INCENP: variants seen among roughly 807,000 people sequenced by gnomAD.
INCENP encodes the protein inner centromere protein.
In INCENP, 43 loss-of-function variants were observed where a neutral mutation model predicts 107.3. That is an observed-to-expected ratio of 0.40 (90% CI 0.31 to 0.52). INCENP has a LOEUF of 0.52. INCENP is among the 20% of genes least tolerant of loss of function. The pLI is 0.53. For missense variants in INCENP, 1,089 were observed against 1,250.9 expected, an observed-to-expected ratio of 0.87 and a Z score of 1.95; for synonymous variants, 488 against 494.4, an observed-to-expected ratio of 0.99 and a Z score of 0.17.
intron 4 of INCENP, among the ~76,000 whole-genome samples, chr11:62,134,049 CCTT>C: frequency 6.6e-6 from 1 of 152,344 alleles, no homozygotes; most frequent in East Asian, 1.9e-4. Context: ...CCTTGGCCCT[CCTT>C]CTCCCTAGAC....
At position 62,145,378 on chromosome 11, in the gene INCENP, C is replaced by T. The variant is rs888986071; in HGVS notation, c.1836+89C>T. ...CCCTCAGGAAATTGCAGATTTGTCA[C>T]TGTACCCCTGTACCCATCTCCTGTC... On this transcript the variant is annotated intron_variant, in intron 13 of 18. Coordinates refer to ENST00000394818, the MANE Select transcript of INCENP (RefSeq NM_001040694.2). The T allele has an allele frequency of 1.2e-4, 189 of 1,536,954 alleles. 1 individual carries two copies. Among genetic ancestry groups the T allele is most frequent in the Non-Finnish European group, 1.6e-4 (176 of 1,130,352 alleles).
At chr11:62,135,921 T>C (rs1033504376) in intron 4 of INCENP, among the ~76,000 whole-genome samples, 2 of 152,144 alleles carry the variant, frequency 1.3e-5, no homozygotes, top group Non-Finnish European at 2.9e-5. Context: ...GCCATTCTCC[T>C]GCCTCAGCCT....
chr11:62,131,738 C>T (rs1404767417), intron 4 of INCENP, among the ~76,000 whole-genome samples: 2 of 151,052 alleles, frequency 1.3e-5, no homozygotes, highest in Non-Finnish European at 2.9e-5. Context: ...AGGCAGAGGA[C>T]GGGCAAAGCA....
At position 62,128,895 on chromosome 11, in the gene INCENP, TG is replaced by T. The variant is rs769861208; in HGVS notation, c.254+17del. 1.4e-5 allele frequency: 22 copies of T among 1,546,876 alleles called. No individual in the cohort carries two copies. The Admixed American group carries it at 3.7e-4, about 26-fold the overall frequency. On this transcript the variant is annotated intron_variant, in intron 3 of 18. Coordinates refer to ENST00000394818, the MANE Select transcript of INCENP (RefSeq NM_001040694.2). ...CCCATCAGGAGAAGGTAGGAGGGGTTGGGGGAGAGTGAGCTGAGCAGTGGGC... is the reference window on the plus strand; with the variant it reads ...CCCATCAGGAGAAGGTAGGAGGGGTTGGGGAGAGTGAGCTGAGCAGTGGGC...
At chr11:62,124,432 C>T (rs898650990) in intron 1 of INCENP, among the ~76,000 whole-genome samples, 1 of 132,448 alleles carries the variant, frequency 7.6e-6, no homozygotes, top group Non-Finnish European at 1.7e-5. Context: ...CACCTTGTGC[C>T]TGTGAGGATT....
Position 62,138,771 on chromosome 11 carries a change from G to A in INCENP, c.1173+1G>A, listed in dbSNP as rs762440386. 15 of 1,613,916 alleles carry A rather than the reference G, an allele frequency of 9.3e-6. No individual in the cohort carries two copies. The highest frequency in any genetic ancestry group is 1.3e-5 in the Non-Finnish European group (15 of 1,179,966). On this transcript the variant is annotated splice_donor_variant, in intron 6 of 18. Transcript: ENST00000394818. LOFTEE classifies it high-confidence loss of function. The stretch of plus-strand genomic sequence containing the variant: ...GCCTGTGGCGGCAGCTGAGCCAGAG[G>A]TAAGACGGCTGCCTGGGGAAGGGAG...
intron 5 of INCENP, 120 bp downstream of exon 5, chr11:62,138,003 C>A: frequency 1.1e-6 from 1 of 880,648 alleles, no homozygotes; most frequent in South Asian, 1.4e-5. Context: ...CTTGACCGCC[C>A]AGGAGCTGCC....
intron 7 of INCENP, among the ~76,000 whole-genome samples, chr11:62,139,293 C>T (rs1944061388): frequency 6.6e-6 from 1 of 152,076 alleles, no homozygotes; most frequent in Admixed American, 6.6e-5. Flanking sequence ...CAGGTCAAGG[C>T]CTTGACCTTG....
At position 62,131,271 on chromosome 11, in the gene INCENP, C is replaced by G. The variant is rs192619670; in HGVS notation, c.1063+681C>G. 4.5e-4 allele frequency among the ~76,000 whole-genome samples: 68 copies of G among 152,340 alleles called. 1 individual carries two copies. Among genetic ancestry groups the G allele is most frequent in the Non-Finnish European group, 8.7e-4 (59 of 68,036 alleles). On this transcript the variant is annotated intron_variant, in intron 4 of 18. Transcript: ENST00000394818. ...CTGGAAACTTCACGGGCCTCCACTC[C>G]TTGCCTGTCAACTGGGGCTAATCGC... is the stretch of plus-strand genomic sequence containing the variant.
At chr11:62,139,439 G>A (rs1944063784) in intron 7 of INCENP, among the ~76,000 whole-genome samples, 1 of 152,196 alleles carries the variant, frequency 6.6e-6, no homozygotes, top group Non-Finnish European at 1.5e-5. Context: ...AGAGCAGTGG[G>A]TTTGGGAGTG....
chr11:62,151,774 G>T lies in INCENP; in HGVS notation c.2555G>T (p.Ser852Ile). Reference protein sequence around the residue: ...IPTWARGTPLSQAIIHQYYHP... With the variant: ...IPTWARGTPLIQAIIHQYYHP... ...TGGTCTCCTGCAGGCACCCCGCTCA[G>T]CCAGGCTATCATTCACCAGTACTAC... is the stretch of plus-strand genomic sequence containing the variant. The change falls in exon 19 of 19, where the codon AGC becomes ATC. Residue 852 changes from serine (S) to isoleucine (I), a missense_variant. By Grantham distance (142) the Ser-to-Ile change is moderately radical. Transcript: ENST00000394818. 1 of 1,614,050 alleles carries T rather than the reference G, an allele frequency of 6.2e-7. No homozygotes were observed. Among genetic ancestry groups the T allele is most frequent in the South Asian group, 1.1e-5 (1 of 91,084 alleles).
chr11:62,140,617 CG>C (rs1304547165), intron 8 of INCENP, 86 bp from the exon 9 acceptor site: 1 of 1,151,900 alleles, frequency 8.7e-7, no homozygotes. Context: ...GGCCTGGGCC[CG>C]GTATTGTTCA....
chr11:62,146,026 C>T (rs1944235801), intron 14 of INCENP, among the ~76,000 whole-genome samples: 1 of 152,224 alleles, frequency 6.6e-6, no homozygotes, highest in South Asian at 2.1e-4. Context: ...TGACTTTCTA[C>T]AGGCTGCTTG....
chr11:62,142,946 C>T (rs934576981), intron 11 of INCENP, among the ~76,000 whole-genome samples: 1 of 152,246 alleles, frequency 6.6e-6, no homozygotes, highest in Non-Finnish European at 1.5e-5. Context: ...TGTCCTCCAG[C>T]CAGGAAGCTG....
chr11:62,142,813 GT>G (rs1302165640), intron 11 of INCENP, among the ~76,000 whole-genome samples: 1 of 152,220 alleles, frequency 6.6e-6, no homozygotes, highest in Non-Finnish European at 1.5e-5. Context: ...TGTTAGTTTA[GT>G]TCTCAGCCTT....
chr11:62,144,984 G>A lies in INCENP; in HGVS notation c.1608G>A (p.Glu536=). The A allele has an allele frequency of 2.5e-6, 4 of 1,594,936 alleles. No homozygotes were observed. The highest frequency in any genetic ancestry group is 3.4e-6 in the Non-Finnish European group (4 of 1,172,648). Residue 536 remains glutamate (E), a splice_region_variant and synonymous_variant, in exon 12 of 19, where the codon GAG becomes GAA. Coordinates refer to ENST00000394818, the MANE Select transcript of INCENP (RefSeq NM_001040694.2). ...TCCCTCGCTCCCCGCCACCCCAGGA[G>A]AAGGAGCGGCAGCGCCTGGAGAATC... ...LRMDPKCSFV[E]KERQRLENLR... is the part of the protein sequence containing the mutation.
At position 62,144,926 on chromosome 11, in the gene INCENP, TG is replaced by T. The variant is rs901059264; in HGVS notation, c.1606-53del. 48 of 1,494,450 alleles carry T rather than the reference TG, an allele frequency of 3.2e-5. No individual in the cohort carries two copies. The African/African-American group carries it at 6.3e-4, about 20-fold the overall frequency. 92.6% of individuals were successfully genotyped at this position (1,494,450 alleles called of 1,614,324 possible). On this transcript the variant is annotated intron_variant, in intron 11 of 18. Coordinates refer to ENST00000394818, the MANE Select transcript of INCENP (RefSeq NM_001040694.2). ...GGGGACTGTGGGCAGCTTTTGGGGC[TG>T]GGTGGGGGGTCGTCCTTGCTCATGT...
At chr11:62,142,238 G>T (rs954145940) in intron 11 of INCENP, among the ~76,000 whole-genome samples, 2 of 152,236 alleles carry the variant, frequency 1.3e-5, no homozygotes, top group African/African-American at 4.8e-5. Flanking sequence ...GGACACCTGT[G>T]ACAGCCGGGA....
At chr11:62,135,119 T>G (rs146948025) in intron 4 of INCENP, among the ~76,000 whole-genome samples, 1 of 152,206 alleles carries the variant, frequency 6.6e-6, no homozygotes, top group African/African-American at 2.4e-5. Context: ...GAGGAGTATC[T>G]TCATAGCTTT....
Sources: allele counts gnomAD v4.1 joint callset (sites outside exome capture counted in the v4.1 genomes callset), GRCh38; gene constraint gnomAD v4.1.1; transcripts MANE v1.5; gene names NCBI Gene and HGNC (gene_info 2026-07-23, HGNC 2026-07-21).